BCAT2: variants seen among roughly 807,000 people sequenced by gnomAD.
The protein encoded by BCAT2 is branched-chain-amino-acid aminotransferase, mitochondrial.
Under a neutral mutation model 52.9 loss-of-function variants are expected in BCAT2, and 44 were observed. That is an observed-to-expected ratio of 0.83 (90% CI 0.65 to 1.07). The LOEUF is 1.07. BCAT2 is among the 50% of genes least tolerant of loss of function. The probability of loss-of-function intolerance (pLI) is 0.00; values close to 1 mark genes in which losing one functional copy is unlikely to be tolerated. For synonymous variants in BCAT2, 215 were observed against 217.1 expected, an observed-to-expected ratio of 0.99 and a Z score of 0.08; for missense variants, 478 against 521.8, an observed-to-expected ratio of 0.92 and a Z score of 0.82.
chr19:48,798,026 C>A (rs891268111), intron 6 of BCAT2, among the ~76,000 whole-genome samples: 1 of 152,004 alleles, frequency 6.6e-6, no homozygotes, highest in Non-Finnish European at 1.5e-5. Flanking sequence ...CCTCAGCCCC[C>A]CAAAGTGCTG....
Position 48,795,671 on chromosome 19 carries a change from A to G in BCAT2, c.1141-207T>C, listed in dbSNP as rs140963925. 5.2e-3 allele frequency among the ~76,000 whole-genome samples: 796 copies of G among 152,268 alleles called. 6 individuals carry two copies. Among genetic ancestry groups the G allele is most frequent in the African/African-American group, 0.017 (716 of 41,548 alleles). The stretch of plus-strand genomic sequence containing the variant: ...AGGCTTCCGGGAGATGTAGTTCTGA[A>G]GACAGGAATTATGGCCAGGCCTCTA... On this transcript the variant is annotated intron_variant, in intron 10 of 10. Coordinates refer to ENST00000316273, the MANE Select transcript of BCAT2 (RefSeq NM_001190.4).
intron 3 of BCAT2, among the ~76,000 whole-genome samples, chr19:48,801,009 A>T (rs2034646256): frequency 6.7e-6 from 1 of 149,126 alleles, no homozygotes; most frequent in Non-Finnish European, 1.5e-5. Flanking sequence ...TTGTTTTGAG[A>T]CAGGGTCTCA....
Position 48,795,496 on chromosome 19 carries a change from G to T in BCAT2, c.1141-32C>A, listed in dbSNP as rs764441395. On this transcript the variant is annotated intron_variant, in intron 10 of 10. Transcript: ENST00000316273. ...AACAACGGAGGCAGTGCGTGAGGTG[G>T]AAGCTGCACTACAACTCCCAGTAGG... The T allele has an allele frequency of 4.3e-6, 7 of 1,612,382 alleles. No homozygotes were observed. In the Admixed American group the frequency reaches 1.2e-4, roughly 27 times the overall value.
At position 48,807,345 on chromosome 19, in the gene BCAT2, T is replaced by G; in HGVS notation, c.25-271A>C. Reference sequence around the variant, plus strand: ...AAGCGCCTCCCACCCCAGAGACCTTTGGTCGCAGCCTGGAGATCAGCTCAG... The same window carrying G: ...AAGCGCCTCCCACCCCAGAGACCTTGGGTCGCAGCCTGGAGATCAGCTCAG... On this transcript the variant is annotated intron_variant, in intron 1 of 10. Coordinates refer to ENST00000316273, the MANE Select transcript of BCAT2 (RefSeq NM_001190.4). The surrounding 1 kb of genome is among the most constrained non-coding windows in gnomAD (Gnocchi z 4.6). The G allele has an allele frequency of 2.6e-6, 1 of 381,512 alleles. No homozygotes were observed. Among genetic ancestry groups the G allele is most frequent in the Non-Finnish European group, 4.8e-6 (1 of 208,228 alleles). The allele number at this position is 381,512 out of a possible 1,614,324, so 23.6% of individuals were successfully genotyped here. A position where few individuals can be genotyped will look rare whatever the true frequency, so the allele number is the denominator to read the frequency against.
chr19:48,798,630 C>CTT (rs755107553), intron 6 of BCAT2, among the ~76,000 whole-genome samples: 1 of 108,228 alleles, frequency 9.2e-6, no homozygotes, highest in African/African-American at 2.7e-5. Context: ...CGAAACCTTT[C>CTT]TTTTTTTTTT....
chr19:48,808,898 A>G (rs1307714741), intron 1 of BCAT2, among the ~76,000 whole-genome samples: 1 of 151,698 alleles, frequency 6.6e-6, no homozygotes, highest in Non-Finnish European at 1.5e-5. Flanking sequence ...ATATAGCAAG[A>G]CCCTGTCTCT....
Position 48,810,967 on chromosome 19 carries a change from C to T in BCAT2, c.24+17G>A, listed in dbSNP as rs541114488. On this transcript the variant is annotated intron_variant, in intron 1 of 10. Transcript: ENST00000316273. ...CCCGGTTATTTCCCAGACCCCGGCG[C>T]GGGGCTGCGAACCCACCTGCCCCAG... 1,015 of 1,607,436 alleles carry T rather than the reference C, an allele frequency of 6.3e-4. 1 individual carries two copies. The highest frequency in any genetic ancestry group is 8.0e-4 in the Non-Finnish European group (938 of 1,177,744).
Position 48,798,630 on chromosome 19 carries a change from CT to C in BCAT2, c.695+1044del, listed in dbSNP as rs755107553. Among the ~76,000 whole-genome samples the C allele has an allele frequency of 1.2e-3, 126 of 108,114 alleles. 2 individuals are homozygous for C. Among genetic ancestry groups the C allele is most frequent in the African/African-American group, 1.5e-3 (55 of 36,596 alleles). The allele number at this position is 108,114 out of a possible 152,430, so 70.9% of individuals were successfully genotyped here. ...GGGTCGCCTCCTCTGCGAAACCTTT[CT>C]TTTTTTTTTTTGAGATGGAGTTTCG... On this transcript the variant is annotated intron_variant, in intron 6 of 10. Transcript: ENST00000316273.
rs769745841 is a variant in BCAT2, at chr19:48,796,512, A to T, written c.1066-10T>A. The T allele has an allele frequency of 4.3e-6, 7 of 1,612,484 alleles. No homozygotes were observed. The highest frequency in any genetic ancestry group is 3.3e-5 in the Admixed American group (2 of 59,936). ...TGGGAATGTGGAGGTTCTGGGACAGAAGGTGCGGTGAGGACCAAGCCCCTC... is the reference window on the plus strand; with the variant it reads ...TGGGAATGTGGAGGTTCTGGGACAGTAGGTGCGGTGAGGACCAAGCCCCTC... On this transcript the variant is annotated splice_polypyrimidine_tract_variant and intron_variant, in intron 9 of 10. Coordinates refer to ENST00000316273, the MANE Select transcript of BCAT2 (RefSeq NM_001190.4).
In BCAT2 at chr19:48,795,168, G is replaced by A; in HGVS notation, c.*258C>T. On this transcript the variant is annotated 3_prime_UTR_variant, in exon 11 of 11. Coordinates refer to ENST00000316273, the MANE Select transcript of BCAT2 (RefSeq NM_001190.4). ...TGAGAACGGAGAGATCCGGAATCGG[G>A]GCCAAGGTGTATCCTTGACCGCACG... 1 of 568,430 alleles carries A rather than the reference G, an allele frequency of 1.8e-6. No homozygotes were observed. Among genetic ancestry groups the A allele is most frequent in the Non-Finnish European group, 3.2e-6 (1 of 316,848 alleles). The allele number at this position is 568,430 out of a possible 1,614,324, so 35.2% of individuals were successfully genotyped here.
intron 2 of BCAT2, 131 bp downstream of exon 2, chr19:48,806,869 G>C: frequency 1.4e-6 from 2 of 1,380,876 alleles, no homozygotes; most frequent in Non-Finnish European, 2.0e-6. Flanking sequence ...CCTTGTCTGC[G>C]GCCCAATGGC....
chr19:48,807,735 G>T lies in BCAT2; in HGVS notation c.25-661C>A. On this transcript the variant is annotated intron_variant, in intron 1 of 10. Transcript: ENST00000316273. The surrounding 1 kb of genome is among the most constrained non-coding windows in gnomAD (Gnocchi z 4.6). ...AGGTGCTTATTCTCTGAAGGTATTC[G>T]ATCAACTGGGCTCTGATTACCTGAA... The T allele has an allele frequency of 3.0e-6, 3 of 986,362 alleles. No individual in the cohort carries two copies. Among genetic ancestry groups the T allele is most frequent in the South Asian group, 9.1e-5 (2 of 21,968 alleles). The allele number at this position is 986,362 out of a possible 1,614,324, so 61.1% of individuals were successfully genotyped here.
At chr19:48,809,120 G>A (rs1037734713) in intron 1 of BCAT2, among the ~76,000 whole-genome samples, 15 of 134,302 alleles carry the variant, frequency 1.1e-4, no homozygotes, top group Admixed American at 9.1e-4. Flanking sequence ...GCTCATGCCT[G>A]TAATCTGAGG....
chr19:48,806,042 G>A (rs857526), intron 3 of BCAT2, among the ~76,000 whole-genome samples: 926 of 1,738 alleles, frequency 0.53, 399 homozygotes, highest in African/African-American at 0.65. Context: ...CATCCCCCTG[G>A]CTGTGCCCTC....
chr19:48,804,341 C>A (rs1289740172), intron 3 of BCAT2, among the ~76,000 whole-genome samples: 1 of 151,406 alleles, frequency 6.6e-6, no homozygotes, highest in African/African-American at 2.4e-5. Flanking sequence ...GCCAGGAGTT[C>A]GAAAACAGCC....
rs536088188 is a variant in BCAT2 at position 48,803,055 on chromosome 19, C to T, written c.301-2758G>A. Reference sequence around the variant, plus strand: ...GCACAAGATTTAAAAATTAACTGGGCAAGGTGGTGTGTGCCTGTAGTCCTA... The same window carrying T: ...GCACAAGATTTAAAAATTAACTGGGTAAGGTGGTGTGTGCCTGTAGTCCTA... On this transcript the variant is annotated intron_variant, in intron 3 of 10. Coordinates refer to ENST00000316273, the MANE Select transcript of BCAT2 (RefSeq NM_001190.4). 1.4e-4 allele frequency among the ~76,000 whole-genome samples: 21 copies of T among 152,184 alleles called. No homozygotes were observed. The South Asian group carries it at 4.4e-3, about 32-fold the overall frequency.
rs35230038 is a variant in BCAT2, at chr19:48,797,174, G to A, written c.838+17C>T. On this transcript the variant is annotated intron_variant, in intron 7 of 10. Transcript: ENST00000316273. Reference sequence around the variant, plus strand: ...CCACTTCCACCAGGGTTCGGGCTGGGTCATGGGTGGGCTTACCCCCATCTT... The same window carrying A: ...CCACTTCCACCAGGGTTCGGGCTGGATCATGGGTGGGCTTACCCCCATCTT... The A allele has an allele frequency of 0.042, 67,696 of 1,613,078 alleles. 1,668 individuals are homozygous for A. The highest frequency in any genetic ancestry group is 0.058 in the Middle Eastern group (350 of 6,060).
Position 48,811,014 on chromosome 19 carries a change from T to C in BCAT2, c.-7A>G. ...CCAGAGCGGCTGCGGCCATGATCCG[T>C]GCGGCGCGTAACTGTGCCCGCCCGG... On this transcript the variant is annotated 5_prime_UTR_variant, in exon 1 of 11. Coordinates refer to ENST00000316273, the MANE Select transcript of BCAT2 (RefSeq NM_001190.4). 1 of 1,604,072 alleles carries C rather than the reference T, an allele frequency of 6.2e-7. No homozygotes were observed. The highest frequency in any genetic ancestry group is 2.3e-5 in the East Asian group (1 of 44,142).
At chr19:48,803,353 T>TA (rs1006855094) in intron 3 of BCAT2, among the ~76,000 whole-genome samples, 7 of 150,366 alleles carry the variant, frequency 4.7e-5, no homozygotes, top group South Asian at 2.1e-4. Context: ...ACCCCATCCC[T>TA]AAAAAAAAAT....
Sources: allele counts gnomAD v4.1 joint callset (sites outside exome capture counted in the v4.1 genomes callset), GRCh38; gene constraint gnomAD v4.1.1; non-coding constraint Gnocchi (gnomAD v3.1); transcripts MANE v1.5; gene names NCBI Gene and HGNC (gene_info 2026-07-23, HGNC 2026-07-21).